The following SAMMSON variants were observed in gnomAD, a reference collection of about 807,000 sequenced individuals.
The protein encoded by SAMMSON is long intergenic non-protein coding RNA 1212.
At chr3:70,261,327 C>T (rs764213185) in intron 6 of SAMMSON, among the ~76,000 whole-genome samples, 13 of 152,122 alleles carry the variant, frequency 8.5e-5, no homozygotes, top group Non-Finnish European at 1.9e-4. Context: ...CTTGTCCCTT[C>T]ATCATAATCT....
chr3:70,413,641 C>T (rs1396191067), intron 2 of SAMMSON, among the ~76,000 whole-genome samples: 1 of 152,066 alleles, frequency 6.6e-6, no homozygotes, highest in African/African-American at 2.4e-5. Flanking sequence ...ACAAAAGAGA[C>T]CCAAATACTT....
At chr3:70,065,338 A>C (rs1428810970) in intron 3 of SAMMSON, 1 of 152,048 alleles carries the variant, frequency 6.6e-6, no homozygotes, top group African/African-American at 2.4e-5. Context: ...GAACATTTAG[A>C]GTTTGGCTTC....
chr3:70,046,210 G>T lies in SAMMSON; in HGVS notation n.418-25266G>T, dbSNP rs568340232. Reference sequence around the variant, plus strand: ...TCTTTATCATCCCAGTGGATGAAACGATCTGAGTGAGCAACATATTTTTTT... The same window carrying T: ...TCTTTATCATCCCAGTGGATGAAACTATCTGAGTGAGCAACATATTTTTTT... On this transcript the variant is annotated intron_variant and non_coding_transcript_variant, in intron 3 of 9. Transcript: ENST00000642114. Among the ~76,000 whole-genome samples, 6 of 152,120 alleles carry T rather than the reference G, an allele frequency of 3.9e-5. No individual in the cohort carries two copies. In the East Asian group the frequency reaches 9.7e-4, roughly 25 times the overall value.
chr3:70,308,025 A>G (rs945414751), intron 7 of SAMMSON, among the ~76,000 whole-genome samples: 1 of 152,122 alleles, frequency 6.6e-6, no homozygotes, highest in Non-Finnish European at 1.5e-5. Flanking sequence ...CACAGTTTGC[A>G]TAATGCAGCT....
rs144515796 is a variant in SAMMSON at position 70,278,889 on chromosome 3, G to A, written n.675-12290G>A. ...AAACAAATGAAATAACAATTGTAAC[G>A]TAGAGAGCTAGTGTTTGACATGTAT... On this transcript the variant is annotated intron_variant and non_coding_transcript_variant, in intron 6 of 9. Coordinates refer to ENST00000642114, the Ensembl canonical transcript of SAMMSON. 1.6e-3 allele frequency among the ~76,000 whole-genome samples: 239 copies of A among 151,682 alleles called. 1 individual carries two copies. Among genetic ancestry groups the A allele is most frequent in the African/African-American group, 5.0e-3 (208 of 41,352 alleles).
chr3:70,259,934 G>A (rs1194055919), intron 6 of SAMMSON, among the ~76,000 whole-genome samples: 11 of 152,056 alleles, frequency 7.2e-5, no homozygotes, highest in African/African-American at 2.4e-4. Flanking sequence ...GCCAAGTGAA[G>A]GGGAAAGGGG....
At chr3:70,102,842 C>T (rs892695152) in intron 4 of SAMMSON, among the ~76,000 whole-genome samples, 1 of 152,192 alleles carries the variant, frequency 6.6e-6, no homozygotes, top group Non-Finnish European at 1.5e-5. Context: ...TTTGATTGCT[C>T]TGCTCTGCTC....
At chr3:70,088,106 G>C (rs2067292323) in intron 4 of SAMMSON, among the ~76,000 whole-genome samples, 1 of 152,096 alleles carries the variant, frequency 6.6e-6, no homozygotes, top group South Asian at 2.1e-4. Flanking sequence ...TTTATTCCCA[G>C]GTAGGTTTTC....
intron 3 of SAMMSON, among the ~76,000 whole-genome samples, chr3:70,055,182 C>T (rs1338062241): frequency 6.6e-6 from 1 of 151,886 alleles, no homozygotes; most frequent in Non-Finnish European, 1.5e-5. Flanking sequence ...ATAAATGAAA[C>T]AAACAAGGCT....
In SAMMSON at chr3:70,304,699, C is replaced by G. The variant is rs183441588; in HGVS notation, n.739+13456C>G. Among the ~76,000 whole-genome samples the G allele has an allele frequency of 3.8e-4, 58 of 152,304 alleles. 1 individual carries two copies. The highest frequency in any genetic ancestry group is 3.7e-3 in the Admixed American group (56 of 15,294). On this transcript the variant is annotated intron_variant and non_coding_transcript_variant, in intron 7 of 9. Transcript: ENST00000642114. ...CAGTTACCATCTTTTGCATGGCCAA[C>G]AGCAATACTCTCCTACTTTATTTCT...
chr3:70,348,839 G>T (rs923265774), intron 7 of SAMMSON, among the ~76,000 whole-genome samples: 5 of 152,038 alleles, frequency 3.3e-5, no homozygotes, highest in Admixed American at 2.0e-4. Context: ...CTCTGCGAGG[G>T]TTTTGATCAG....
In SAMMSON at chr3:70,085,686, T is replaced by C. The variant is rs980614018; in HGVS notation, n.507+14121T>C. 5.3e-5 allele frequency among the ~76,000 whole-genome samples: 8 copies of C among 152,352 alleles called. No individual in the cohort carries two copies. In the South Asian group the frequency reaches 1.5e-3, roughly 28 times the overall value. ...CTTCTGGATTTTGTTAATATTTTAA[T>C]AAGCATAATATGGTTGTTGTTAGTA... On this transcript the variant is annotated intron_variant and non_coding_transcript_variant, in intron 4 of 9. Coordinates refer to ENST00000642114, the Ensembl canonical transcript of SAMMSON.
At position 70,019,310 on chromosome 3, in the gene SAMMSON, T is replaced by G. The variant is rs546726713; in HGVS notation, n.417+5638T>G. On this transcript the variant is annotated intron_variant and non_coding_transcript_variant, in intron 3 of 9. Transcript: ENST00000642114. ...ATTTAGGATAGTTAGCTCTTCATGT[T>G]GAATTGTTCCCTTTACCATTATGTA... Among the ~76,000 whole-genome samples the G allele has an allele frequency of 8.7e-4, 132 of 152,180 alleles. 1 individual carries two copies. The highest frequency in any genetic ancestry group is 1.4e-3 in the African/African-American group (59 of 41,430).
At chr3:70,427,717 G>C (rs901990998) in intron 2 of SAMMSON, among the ~76,000 whole-genome samples, 1 of 137,524 alleles carries the variant, frequency 7.3e-6, no homozygotes, top group East Asian at 2.2e-4. Flanking sequence ...CAGCCTGGGC[G>C]ACAGAGCGAA....
intron 3 of SAMMSON, among the ~76,000 whole-genome samples, chr3:70,060,573 T>G (rs1217359620): frequency 6.6e-6 from 1 of 152,152 alleles, no homozygotes; most frequent in Non-Finnish European, 1.5e-5. Flanking sequence ...ATTTGAAGGT[T>G]ATCCTGGGGA....
chr3:70,222,572 G>T (rs928351677), intron 4 of SAMMSON, among the ~76,000 whole-genome samples: 1 of 152,102 alleles, frequency 6.6e-6, no homozygotes, highest in African/African-American at 2.4e-5. Context: ...AATTTGAAGA[G>T]ACTCAAAAGG....
chr3:70,107,923 T>G (rs1352133816), intron 4 of SAMMSON, among the ~76,000 whole-genome samples: 1 of 152,180 alleles, frequency 6.6e-6, no homozygotes, highest in Non-Finnish European at 1.5e-5. Flanking sequence ...TACATCTTCC[T>G]GGATCATCAG....
At chr3:70,061,322 A>G (rs1161900480) in intron 3 of SAMMSON, among the ~76,000 whole-genome samples, 3 of 152,150 alleles carry the variant, frequency 2.0e-5, no homozygotes, top group Non-Finnish European at 4.4e-5. Context: ...CCATGCTAAC[A>G]TCTTTGTTCT....
intron 6 of SAMMSON, among the ~76,000 whole-genome samples, chr3:70,250,237 G>C (rs1318861609): frequency 6.6e-6 from 1 of 152,052 alleles, no homozygotes; most frequent in Non-Finnish European, 1.5e-5. Context: ...TTCTCATCTT[G>C]TGCTGCTGAA....
Sources: allele counts gnomAD v4.1 joint callset (sites outside exome capture counted in the v4.1 genomes callset), GRCh38; gene constraint gnomAD v4.1.1; transcripts MANE v1.5; gene names NCBI Gene and HGNC (gene_info 2026-07-23, HGNC 2026-07-21).